METTL16: variants seen among roughly 807,000 people sequenced by gnomAD.
METTL16 encodes the protein methyltransferase 16, RNA N6-adenosine.
METTL16 carries 19 observed loss-of-function variants against 57.9 expected under a neutral mutation model. The observed-to-expected ratio is 0.33, with a 90% CI of 0.23 to 0.48. The LOEUF is 0.48. Among genes scored for constraint, METTL16 ranks in the 20% least tolerant of loss-of-function variants. The probability of loss-of-function intolerance (pLI) is 0.99; values close to 1 mark genes in which losing one functional copy is unlikely to be tolerated. For missense variants in METTL16, 434 were observed against 691.5 expected (o/e 0.63, Z 4.18); for synonymous variants, 246 against 255.6 (o/e 0.96, Z 0.36).
chr17:2,448,788 ATAAAAATAAAATTT>A (rs2067041540), intron 6 of METTL16, among the ~76,000 whole-genome samples: 2 of 102,268 alleles, frequency 2.0e-5, no homozygotes, highest in East Asian at 2.1e-4. Context: ...AAATAAAAAA[ATAAAAATAAAATTT>A]AAAAAAAAAA....
chr17:2,445,177 C>G (rs1283566905), intron 6 of METTL16, among the ~76,000 whole-genome samples: 1 of 152,084 alleles, frequency 6.6e-6, no homozygotes, highest in Non-Finnish European at 1.5e-5. Context: ...TTTACTGTCC[C>G]TTTTCTATGT....
Position 2,500,543 on chromosome 17 carries a change from A to C in METTL16, c.128+1661T>G, listed in dbSNP as rs563412310. 5.3e-5 allele frequency among the ~76,000 whole-genome samples: 8 copies of C among 152,150 alleles called. No homozygotes were observed. The East Asian group carries it at 1.4e-3, about 26-fold the overall frequency. ...GTGATCCGCCCACCTTGGCCTCCCA[A>C]AGTGCTGGGATTCCAGGCGTGAGCC... On this transcript the variant is annotated intron_variant, in intron 2 of 9. Coordinates refer to ENST00000263092, the MANE Select transcript of METTL16 (RefSeq NM_024086.4).
chr17:2,491,742 G>A (rs1443290848), intron 2 of METTL16, among the ~76,000 whole-genome samples: 1 of 149,920 alleles, frequency 6.7e-6, no homozygotes, highest in Non-Finnish European at 1.5e-5. Context: ...AGGCGTGGTG[G>A]TGGGAGCCTG....
Position 2,477,508 on chromosome 17 carries a change from G to A in METTL16, c.328+178C>T, listed in dbSNP as rs1597462262. 9 of 602,258 alleles carry A rather than the reference G, an allele frequency of 1.5e-5. No homozygotes were observed. The East Asian group carries it at 2.2e-4, about 15-fold the overall frequency. The allele number at this position is 602,258 out of a possible 1,614,324, so 37.3% of individuals were successfully genotyped here. A position where few individuals can be genotyped will look rare whatever the true frequency, so the allele number is the denominator to read the frequency against. ...CATTGCCTTTGAGCAACACATCAGT[G>A]CTCAAAGGTTGCAGATTTTGAAGCA... On this transcript the variant is annotated intron_variant, in intron 3 of 9. Transcript: ENST00000263092.
chr17:2,444,699 T>TA (rs1382776213), intron 6 of METTL16, among the ~76,000 whole-genome samples: 2 of 150,834 alleles, frequency 1.3e-5, no homozygotes, highest in Non-Finnish European at 3.0e-5. Flanking sequence ...GTAAGTGCCC[T>TA]ACACAGATGG....
chr17:2,456,684 G>T (rs925839214), intron 6 of METTL16, among the ~76,000 whole-genome samples: 1 of 152,140 alleles, frequency 6.6e-6, no homozygotes, highest in South Asian at 2.1e-4. Context: ...GCCCAGGCTG[G>T]TCTTGAACTC....
intron 4 of METTL16, among the ~76,000 whole-genome samples, chr17:2,472,954 G>A (rs1317024390): frequency 2.0e-5 from 3 of 152,068 alleles, no homozygotes; most frequent in African/African-American, 7.2e-5. Context: ...ACTACAGAAT[G>A]TACACCACCA....
chr17:2,478,946 C>T (rs765433722), intron 2 of METTL16, among the ~76,000 whole-genome samples: 6 of 152,158 alleles, frequency 3.9e-5, no homozygotes, highest in Non-Finnish European at 8.8e-5. Flanking sequence ...CTGCTATGAA[C>T]ATTTACATAC....
At chr17:2,456,287 AC>A (rs147004716) in intron 6 of METTL16, among the ~76,000 whole-genome samples, 1,585 of 152,044 alleles carry the variant, frequency 0.01, 31 homozygotes, top group African/African-American at 0.036. Context: ...CTGACTGACA[AC>A]CCTACTTTGG....
At position 2,418,131 on chromosome 17, in the gene METTL16, T is replaced by C. The variant is rs1004305847; in HGVS notation, c.*1839A>G. On this transcript the variant is annotated 3_prime_UTR_variant, in exon 10 of 10. Transcript: ENST00000263092. ...GACTAGAATAATGATTCTTAATCCTTAGTGGGTTATTGACCCCTTTGTCTG... is the reference window on the plus strand; with the variant it reads ...GACTAGAATAATGATTCTTAATCCTCAGTGGGTTATTGACCCCTTTGTCTG... The C allele has an allele frequency of 5.5e-5, 8 of 146,500 alleles. No homozygotes were observed. Among genetic ancestry groups the C allele is most frequent in the Admixed American group, 2.9e-4 (4 of 13,896 alleles). 9.1% of individuals were successfully genotyped at this position (146,500 alleles called of 1,614,324 possible). A position where few individuals can be genotyped will look rare whatever the true frequency, so the allele number is the denominator to read the frequency against.
Position 2,464,190 on chromosome 17 carries a change from T to C in METTL16, c.728+18A>G, listed in dbSNP as rs1277721766. 6.2e-7 allele frequency: 1 copy of C among 1,605,454 alleles called. No individual in the cohort carries two copies. The highest frequency in any genetic ancestry group is 1.1e-5 in the South Asian group (1 of 89,388). On this transcript the variant is annotated intron_variant, in intron 6 of 9. Transcript: ENST00000263092. Reference sequence around the variant, plus strand: ...CTGTGTTGTAAAGATGGACTCTATGTTGTAAAAACAGACTTACCTTAATCT... The same window carrying C: ...CTGTGTTGTAAAGATGGACTCTATGCTGTAAAAACAGACTTACCTTAATCT...
rs374023638 is a variant in METTL16 at position 2,439,429 on chromosome 17, G to C, written c.799-1231C>G. On this transcript the variant is annotated intron_variant, in intron 7 of 9. Transcript: ENST00000263092. Reference sequence around the variant, plus strand: ...GCCCGGCCTGGGAGTACTTACTTGCGACCTGCCTTCTGAAACAGGAGCACG... The same window carrying C: ...GCCCGGCCTGGGAGTACTTACTTGCCACCTGCCTTCTGAAACAGGAGCACG... Among the ~76,000 whole-genome samples, 4 of 151,974 alleles carry C rather than the reference G, an allele frequency of 2.6e-5. No individual in the cohort carries two copies. In the East Asian group the frequency reaches 5.8e-4, roughly 22 times the overall value.
intron 4 of METTL16, among the ~76,000 whole-genome samples, chr17:2,471,988 C>A (rs2067238522): frequency 1.3e-5 from 2 of 151,996 alleles, no homozygotes; most frequent in East Asian, 3.9e-4. Flanking sequence ...GTGGCAGGCG[C>A]CTGTCATCTC....
intron 6 of METTL16, among the ~76,000 whole-genome samples, chr17:2,454,174 A>G (rs1011856407): frequency 2.0e-5 from 3 of 152,134 alleles, no homozygotes; most frequent in African/African-American, 7.2e-5. Context: ...ATTCACCCCA[A>G]CTCAGAAGTG....
intron 1 of METTL16, among the ~76,000 whole-genome samples, chr17:2,504,207 G>A (rs187838703): frequency 6.6e-6 from 1 of 152,306 alleles, no homozygotes; most frequent in East Asian, 1.9e-4. Flanking sequence ...TAGAGGTGAT[G>A]AGGAGCTGGG....
chr17:2,509,887 T>C (rs2151583447), intron 1 of METTL16, among the ~76,000 whole-genome samples: 1 of 144,202 alleles, frequency 6.9e-6, no homozygotes, highest in East Asian at 2.0e-4. Context: ...CACTCCAGCC[T>C]GGTGACAGAG....
At chr17:2,492,774 A>G (rs2067408569) in intron 2 of METTL16, among the ~76,000 whole-genome samples, 1 of 151,502 alleles carries the variant, frequency 6.6e-6, no homozygotes, top group South Asian at 2.1e-4. Context: ...GTTGGCACCT[A>G]TAATCCCAGC....
At chr17:2,416,045 A>G (rs1008898562), downstream of METTL16, 5 of 152,212 alleles carry the variant, frequency 3.3e-5, no homozygotes, top group African/African-American at 4.8e-5. Flanking sequence ...GACCATGGCT[A>G]GTGTTTTTTT....
At chr17:2,437,575 A>T (rs1302331928) in intron 8 of METTL16, among the ~76,000 whole-genome samples, 1 of 152,188 alleles carries the variant, frequency 6.6e-6, no homozygotes, top group South Asian at 2.1e-4. Context: ...TTTTTGAGAC[A>T]GAGTCTTGCT....
Sources: gnomAD v4.1 joint callset for allele counts (sites outside exome capture counted in the v4.1 genomes callset) on GRCh38, gnomAD v4.1.1 for gene constraint, MANE v1.5 for transcripts, NCBI Gene and HGNC (gene_info 2026-07-23, HGNC 2026-07-21) for gene names.